GPHN: variants seen among roughly 807,000 people sequenced by gnomAD.
GPHN encodes gephyrin.
A neutral mutation model predicts 95.5 loss-of-function variants in GPHN; 17 were observed. The observed-to-expected ratio is 0.18, with a 90% CI of 0.12 to 0.27. The LOEUF (loss-of-function observed/expected upper bound fraction) is 0.27. GPHN is among the 10% of genes least tolerant of loss of function. The probability of loss-of-function intolerance (pLI) is 1.00; values close to 1 mark genes in which losing one functional copy is unlikely to be tolerated. For missense variants in GPHN, 660 were observed against 978.1 expected, an observed-to-expected ratio of 0.67 and a Z score of 4.34; for synonymous variants, 320 against 322.5, an observed-to-expected ratio of 0.99 and a Z score of 0.08.
At chr14:66,868,202 T>C (rs1230458515) in intron 4 of GPHN, among the ~76,000 whole-genome samples, 2 of 152,184 alleles carry the variant, frequency 1.3e-5, no homozygotes, top group African/African-American at 4.8e-5. Flanking sequence ...ACTGCAGTAA[T>C]TGTTAAGGAG....
chr14:67,197,376 T>G, the GPHN span: 1 of 152,218 alleles, frequency 6.6e-6, no homozygotes, highest in African/African-American at 2.4e-5. Context: ...TGATGGTTCT[T>G]ACAGATAAAC....
the GPHN span, among the ~76,000 whole-genome samples, chr14:67,732,916 T>C: frequency 6.6e-6 from 1 of 152,084 alleles, no homozygotes; most frequent in Non-Finnish European, 1.5e-5. Flanking sequence ...GCACTGCATG[T>C]TCCGAATGTT....
chr14:66,936,047 T>C (rs1350262944), intron 8 of GPHN, among the ~76,000 whole-genome samples: 1 of 152,108 alleles, frequency 6.6e-6, no homozygotes, highest in African/African-American at 2.4e-5. Context: ...AGAAGACATT[T>C]TGGGAGGTGA....
intron 3 of GPHN, among the ~76,000 whole-genome samples, chr14:66,798,987 A>G (rs2060253471): frequency 6.6e-6 from 1 of 151,860 alleles, no homozygotes; most frequent in Non-Finnish European, 1.5e-5. Context: ...CTTTTGCTGT[A>G]TCCCATAGGT....
At chr14:67,105,247 G>A (rs896807671) in intron 13 of GPHN, among the ~76,000 whole-genome samples, 1 of 151,694 alleles carries the variant, frequency 6.6e-6, no homozygotes, top group Non-Finnish European at 1.5e-5. Flanking sequence ...TTCTTTTGTG[G>A]CCTAATATGG....
chr14:66,713,292 A>G (rs549951867), intron 2 of GPHN, among the ~76,000 whole-genome samples: 2 of 152,296 alleles, frequency 1.3e-5, no homozygotes, highest in South Asian at 4.1e-4. Flanking sequence ...TCCATAATCC[A>G]TGTTGATTTG....
intron 10 of GPHN, among the ~76,000 whole-genome samples, chr14:67,031,385 T>A (rs1268834750): frequency 6.6e-6 from 1 of 152,210 alleles, no homozygotes; most frequent in Non-Finnish European, 1.5e-5. Context: ...CCTTATCATC[T>A]TGATTGGCAT....
the GPHN span, among the ~76,000 whole-genome samples, chr14:67,309,005 T>TA: frequency 6.6e-6 from 1 of 152,038 alleles, no homozygotes; most frequent in East Asian, 1.9e-4. Flanking sequence ...TTATAGATAT[T>TA]AAAAAAAGGA....
chr14:67,035,464 T>C (rs747880264), intron 10 of GPHN, among the ~76,000 whole-genome samples: 37 of 151,876 alleles, frequency 2.4e-4, no homozygotes, highest in Non-Finnish European at 4.4e-4. Context: ...TAGGATTCTC[T>C]AAAATACCAA....
chr14:67,193,390 G>GATATATCTAGATATATATCT, the GPHN span, among the ~76,000 whole-genome samples: 1 of 132,916 alleles, frequency 7.5e-6, no homozygotes, highest in Non-Finnish European at 1.6e-5. Flanking sequence ...GATATATCTA[G>GATATATCTAGATATATATCT]ATATATCTAG....
intron 9 of GPHN, among the ~76,000 whole-genome samples, chr14:66,968,074 C>T (rs2069473609): frequency 6.6e-6 from 1 of 151,822 alleles, no homozygotes; most frequent in Admixed American, 6.6e-5. Flanking sequence ...TTTTGCCTTT[C>T]CCCACTGAGT....
intron 12 of GPHN, among the ~76,000 whole-genome samples, chr14:67,098,822 CA>C (rs112801526): frequency 0.1 from 9,344 of 89,398 alleles, 282 homozygotes; most frequent in Middle Eastern, 0.14. Flanking sequence ...AACTCCATCT[CA>C]AAAAAAAAAA....
At chr14:67,317,497 G>A in the GPHN span, 1 of 1,545,826 alleles carries the variant, frequency 6.5e-7, no homozygotes, top group South Asian at 1.1e-5. Context: ...CTACTCTCAG[G>A]GATAGGTGGA....
the GPHN span, among the ~76,000 whole-genome samples, chr14:67,733,313 C>T: frequency 1.3e-5 from 2 of 152,148 alleles, no homozygotes; most frequent in African/African-American, 4.8e-5. Context: ...GGGAAAATAA[C>T]TTCATCTTTA....
At chr14:67,328,934 T>C in the GPHN span, among the ~76,000 whole-genome samples, 4 of 152,278 alleles carry the variant, frequency 2.6e-5, no homozygotes, top group Admixed American at 2.0e-4. Context: ...TTTATTCTTT[T>C]GGCTTAGGGT....
chr14:67,367,311 A>G, the GPHN span, among the ~76,000 whole-genome samples: 2 of 152,084 alleles, frequency 1.3e-5, no homozygotes, highest in Admixed American at 1.3e-4. Flanking sequence ...GCTCACTGCA[A>G]CCTCCGACTC....
At chr14:67,580,579 A>G in the GPHN span, among the ~76,000 whole-genome samples, 2 of 152,212 alleles carry the variant, frequency 1.3e-5, no homozygotes, top group Admixed American at 6.5e-5. Context: ...GCTTTGTTAC[A>G]TGGTAGCCCT....
At chr14:67,327,855 A>G in the GPHN span, among the ~76,000 whole-genome samples, 19 of 152,332 alleles carry the variant, frequency 1.2e-4, no homozygotes, top group African/African-American at 4.3e-4. Context: ...TCCATGGTGT[A>G]TATGTGCCAC....
chr14:66,509,008 C>T (rs994772931), intron 1 of GPHN: 5 of 248,724 alleles, frequency 2.0e-5, no homozygotes, highest in South Asian at 4.8e-5. Context: ...GGAATCCCAT[C>T]TCCACCCCCT....
Sources: gnomAD v4.1 joint callset for allele counts (sites outside exome capture counted in the v4.1 genomes callset) on GRCh38, gnomAD v4.1.1 for gene constraint, MANE v1.5 for transcripts, NCBI Gene and HGNC (gene_info 2026-07-23, HGNC 2026-07-21) for gene names.